WWOX: variants seen among roughly 807,000 people sequenced by gnomAD.
WWOX encodes WW domain-containing oxidoreductase.
WWOX carries 69 observed loss-of-function variants against 46.2 expected under a neutral mutation model. The observed-to-expected ratio is 1.49, with a 90% CI of 1.23 to 1.82. The LOEUF (loss-of-function observed/expected upper bound fraction) is 1.82. Ranked by LOEUF, WWOX falls within the 40% of genes most tolerant of loss-of-function variation. The pLI, the probability that WWOX is intolerant of heterozygous loss-of-function variation, is 0.00. For missense variants in WWOX, 919 were observed against 542.6 expected (o/e 1.69, Z -6.89); for synonymous variants, 359 against 202.6 (o/e 1.77, Z -6.56).
At chr16:78,131,160 T>G (rs369206267) in intron 4 of WWOX, among the ~76,000 whole-genome samples, 8 of 152,354 alleles carry the variant, frequency 5.3e-5, no homozygotes, top group African/African-American at 1.4e-4. Flanking sequence ...TGTGTTGTTA[T>G]GCAGTGTGTG....
At chr16:79,094,161 G>A (rs1488733040) in intron 8 of WWOX, among the ~76,000 whole-genome samples, 1 of 151,916 alleles carries the variant, frequency 6.6e-6, no homozygotes, top group Non-Finnish European at 1.5e-5. Flanking sequence ...GTGCATGTAG[G>A]GTTGCTTGCA....
intron 3 of WWOX, among the ~76,000 whole-genome samples, chr16:78,113,240 A>G (rs140745231): frequency 4.1e-4 from 63 of 152,256 alleles, no homozygotes; most frequent in Middle Eastern, 3.4e-3. Context: ...GGGGCTTGCA[A>G]TCTGCGCTCT....
intron 5 of WWOX, among the ~76,000 whole-genome samples, chr16:78,217,460 G>A (rs78970059): frequency 0.085 from 12,924 of 152,258 alleles, 732 homozygotes; most frequent in Non-Finnish European, 0.12. Context: ...CCAAATAATC[G>A]TATGAAGTGG....
At chr16:79,127,317 A>T (rs550730937) in intron 8 of WWOX, among the ~76,000 whole-genome samples, 1 of 152,036 alleles carries the variant, frequency 6.6e-6, no homozygotes, top group Non-Finnish European at 1.5e-5. Context: ...AGACATTATT[A>T]TGCATTTACA....
chr16:78,919,273 T>C (rs889087687), intron 8 of WWOX, among the ~76,000 whole-genome samples: 2 of 151,972 alleles, frequency 1.3e-5, no homozygotes, highest in Non-Finnish European at 1.5e-5. Flanking sequence ...TAGCCCACTT[T>C]TATAGATGGC....
intron 8 of WWOX, chr16:79,017,099 G>C (rs369519821): frequency 1.3e-5 from 2 of 152,108 alleles, no homozygotes; most frequent in African/African-American, 4.8e-5. Flanking sequence ...TCTCTAGCTA[G>C]TTATCTATCC....
At chr16:79,189,023 T>G (rs1319339300) in intron 8 of WWOX, among the ~76,000 whole-genome samples, 1 of 151,958 alleles carries the variant, frequency 6.6e-6, no homozygotes, top group Non-Finnish European at 1.5e-5. Flanking sequence ...TGTGGAAGAG[T>G]TGACAGAGAT....
chr16:78,428,559 T>C (rs960321883), intron 7 of WWOX, among the ~76,000 whole-genome samples: 1 of 152,232 alleles, frequency 6.6e-6, no homozygotes, highest in African/African-American at 2.4e-5. Flanking sequence ...TTTTGTCTAA[T>C]TTGTCATCAT....
intron 8 of WWOX, among the ~76,000 whole-genome samples, chr16:78,720,147 C>A (rs569776690): frequency 6.6e-6 from 1 of 152,148 alleles, no homozygotes; most frequent in Non-Finnish European, 1.5e-5. Context: ...TTCCTTCTTG[C>A]CCTAATTTTA....
At chr16:79,105,743 A>T (rs1311148600) in intron 8 of WWOX, among the ~76,000 whole-genome samples, 1 of 150,186 alleles carries the variant, frequency 6.7e-6, no homozygotes, top group African/African-American at 2.5e-5. Flanking sequence ...GCTCACTGCA[A>T]CCTCCATCTC....
chr16:78,729,897 T>A (rs16948382), intron 8 of WWOX, among the ~76,000 whole-genome samples: 3 of 152,180 alleles, frequency 2.0e-5, no homozygotes, highest in East Asian at 3.9e-4. Context: ...CTATTTAGAT[T>A]TAAACAAGAC....
At chr16:78,849,896 A>T (rs544776194) in intron 8 of WWOX, among the ~76,000 whole-genome samples, 81 of 152,146 alleles carry the variant, frequency 5.3e-4, no homozygotes, top group Middle Eastern at 6.8e-3. Flanking sequence ...AACATGCAGA[A>T]ACCCTGTCTC....
At chr16:79,125,156 A>G (rs1177497698) in intron 8 of WWOX, among the ~76,000 whole-genome samples, 5 of 152,140 alleles carry the variant, frequency 3.3e-5, no homozygotes, top group Non-Finnish European at 7.3e-5. Flanking sequence ...CCTGGAATTC[A>G]GAATGATGAA....
intron 8 of WWOX, among the ~76,000 whole-genome samples, chr16:78,961,787 T>A (rs2046275723): frequency 6.6e-6 from 1 of 152,176 alleles, no homozygotes; most frequent in Admixed American, 6.5e-5. Context: ...TACCTCAGGT[T>A]ATCATAGTAG....
At chr16:78,519,846 T>C (rs369705089) in intron 8 of WWOX, among the ~76,000 whole-genome samples, 5 of 152,234 alleles carry the variant, frequency 3.3e-5, no homozygotes, top group African/African-American at 1.2e-4. Flanking sequence ...CCCAGAACTG[T>C]GAGAAATAAA....
chr16:78,508,295 G>C (rs1215212049), intron 8 of WWOX, among the ~76,000 whole-genome samples: 2 of 143,584 alleles, frequency 1.4e-5, no homozygotes, highest in African/African-American at 2.7e-5. Flanking sequence ...ATAGGCGTGA[G>C]CCACTGCGCC....
chr16:78,111,517 CGGTAACGCCAGTGTCTG>C (rs1392410392), intron 3 of WWOX, among the ~76,000 whole-genome samples: 2 of 152,162 alleles, frequency 1.3e-5, no homozygotes, highest in African/African-American at 4.8e-5. Flanking sequence ...CTTGGTCAAG[CGGTAACGCCAGTGTCTG>C]GGAAGACACC....
chr16:78,779,524 C>T (rs2050273760), intron 8 of WWOX, among the ~76,000 whole-genome samples: 1 of 152,144 alleles, frequency 6.6e-6, no homozygotes, highest in Non-Finnish European at 1.5e-5. Context: ...ATTAGTTGCT[C>T]ACTCTGTCCA....
chr16:78,873,615 C>G (rs1403638490), intron 8 of WWOX: 1 of 151,928 alleles, frequency 6.6e-6, no homozygotes, highest in Non-Finnish European at 1.5e-5. Flanking sequence ...ACTGACACCT[C>G]ATCTCTATAA....
Sources: allele counts gnomAD v4.1 joint callset (sites outside exome capture counted in the v4.1 genomes callset), GRCh38; gene constraint gnomAD v4.1.1; transcripts MANE v1.5; gene names NCBI Gene and HGNC (gene_info 2026-07-23, HGNC 2026-07-21).